The following APOB variants were observed in gnomAD, a reference collection of about 807,000 sequenced individuals.
APOB encodes the protein apolipoprotein B-100.
A neutral mutation model predicts 314.1 loss-of-function variants in APOB; 153 were observed. The ratio of observed to expected loss-of-function variants is 0.49; its 90% confidence interval spans 0.43 to 0.56. The LOEUF (loss-of-function observed/expected upper bound fraction) is 0.56. Among genes scored for constraint, APOB ranks in the 20% least tolerant of loss-of-function variants. APOB has a pLI of 0.00. For synonymous variants in APOB, 2,087 were observed against 2,036.4 expected (o/e 1.02, Z -0.67); for missense variants, 5,430 against 5,350.7 (o/e 1.01, Z -0.46).
At position 21,004,391 on chromosome 2, in the gene APOB, G is replaced by T. The variant is rs150713761; in HGVS notation, c.11965C>A (p.Arg3989Ser). The T allele has an allele frequency of 1.9e-6, 3 of 1,614,014 alleles. No individual in the cohort carries two copies. The highest frequency in any genetic ancestry group is 4.5e-5 in the East Asian group (2 of 44,884). ...ATGCCTTTCTTGTCTTTCTGGTAGC[G>T]CAGATGGAGATCGGTGAACGCTGGG... is the stretch of plus-strand genomic sequence containing the variant. ...KSPAFTDLHL[R>S]YQKDKKGIST... Residue 3989 changes from arginine to serine, a missense_variant, in exon 28 of 29, where the codon CGC becomes AGC. Arg to Ser is a moderately radical substitution (Grantham distance 110, BLOSUM62 -1). Around this residue, in one of 3 missense-constraint regions of APOB, gnomAD observed 3,281 missense variants for 3,171.0 expected, o/e 1.03. Coordinates refer to ENST00000233242, the MANE Select transcript of APOB (RefSeq NM_000384.3).
chr2:21,034,181 T>C (rs1213039744), intron 8 of APOB, among the ~76,000 whole-genome samples: 1 of 152,220 alleles, frequency 6.6e-6, no homozygotes, highest in Non-Finnish European at 1.5e-5. Flanking sequence ...AGAATAGTCC[T>C]GGCTTAGATT....
intron 16 of APOB, 70 bp from the exon 17 acceptor site, chr2:21,023,762 C>T: frequency 7.5e-7 from 1 of 1,335,214 alleles, no homozygotes; most frequent in Non-Finnish European, 1.0e-6. Context: ...ATTACAACCT[C>T]CCATACATTG....
At position 21,029,803 on chromosome 2, in the gene APOB, A is replaced by G. The variant is rs12720764; in HGVS notation, c.1471-18T>C. ...CCAATGACCTGCATTGAAGAAAAGA[A>G]ACAAGAACCCATCAGGGTGCAGGAG... On this transcript the variant is annotated intron_variant, in intron 11 of 28. Coordinates refer to ENST00000233242, the MANE Select transcript of APOB (RefSeq NM_000384.3). 1.3e-4 allele frequency: 211 copies of G among 1,614,004 alleles called. No individual in the cohort carries two copies. In the African/African-American group the frequency reaches 2.5e-3, roughly 19 times the overall value.
At position 21,011,744 on chromosome 2, in the gene APOB, T is replaced by G; in HGVS notation, c.5124A>C (p.Leu1708=). The G allele has an allele frequency of 6.2e-7, 1 of 1,614,200 alleles. No individual in the cohort carries two copies. Among genetic ancestry groups the G allele is most frequent in the South Asian group, 1.1e-5 (1 of 91,072 alleles). ...TGGCCTGATAAGCACTTCCCAGTGATAGCTCTGTGAGGGCGGCTTTCCCAT... is the reference window on the plus strand; with the variant it reads ...TGGCCTGATAAGCACTTCCCAGTGAGAGCTCTGTGAGGGCGGCTTTCCCAT... The part of the protein sequence containing the change: ...SLDGKAALTE[L]SLGSAYQAMI... The change falls in exon 26 of 29, where the codon CTA becomes CTC. Residue 1708 remains leucine (L), a synonymous_variant. Transcript: ENST00000233242.
intron 18 of APOB, 92 bp from the exon 19 acceptor site, chr2:21,019,997 C>G: frequency 1.8e-6 from 2 of 1,139,890 alleles, no homozygotes; most frequent in Non-Finnish European, 2.7e-6. Flanking sequence ...CCCTTATCCT[C>G]CTGTCTTCCC....
chr2:21,033,334 G>C lies in APOB; in HGVS notation c.1089C>G (p.Val363=), dbSNP rs766203819. The stretch of plus-strand genomic sequence containing the variant: ...CAATCAGCTGTGGCAAGAGAGATGT[G>C]ACTGCTTCATCACTGAGGCCTCTCA... ...TELRGLSDEA[V]TSLLPQLIEV... Residue 363 remains valine, a synonymous_variant, in exon 9 of 29, where the codon GTC becomes GTG. Coordinates refer to ENST00000233242, the MANE Select transcript of APOB (RefSeq NM_000384.3). The C allele has an allele frequency of 1.9e-6, 3 of 1,614,116 alleles. No individual in the cohort carries two copies. In the South Asian group the frequency reaches 3.3e-5, roughly 18 times the overall value.
rs778309102 is a variant in APOB at position 21,011,096 on chromosome 2, A to C, written c.5772T>G (p.Thr1924=). The C allele has an allele frequency of 6.2e-7, 1 of 1,614,230 alleles. No individual in the cohort carries two copies. Among genetic ancestry groups the C allele is most frequent in the Non-Finnish European group, 8.5e-7 (1 of 1,180,030 alleles). ...ACAGGAATTTGCTATACAGCTGCCC[A>C]GTATGTTCTCCCCAGAGAGCGAGTT... ...NGKLALWGEH[T]GQLYSKFLLK... Residue 1924 remains threonine (T), a synonymous_variant, in exon 26 of 29, where the codon ACT becomes ACG. Coordinates refer to ENST00000233242, the MANE Select transcript of APOB (RefSeq NM_000384.3).
intron 23 of APOB, 151 bp downstream of exon 23, chr2:21,014,922 T>G: frequency 2.4e-6 from 2 of 837,078 alleles, no homozygotes; most frequent in Non-Finnish European, 3.9e-6. Context: ...ACTACACACT[T>G]GTGAAAGTTT....
intron 4 of APOB, among the ~76,000 whole-genome samples, chr2:21,039,497 G>T (rs1189997014): frequency 6.6e-6 from 1 of 152,132 alleles, no homozygotes; most frequent in African/African-American, 2.4e-5. Flanking sequence ...TACATCAGGA[G>T]GAAAAGGTGA....
At position 21,006,706 on chromosome 2, in the gene APOB, T is replaced by C. The variant is rs781312822; in HGVS notation, c.10162A>G (p.Thr3388Ala). 4 of 1,614,124 alleles carry C rather than the reference T, an allele frequency of 2.5e-6. No homozygotes were observed. Among genetic ancestry groups the C allele is most frequent in the Admixed American group, 1.7e-5 (1 of 60,026 alleles). ...GCTAACTTCAATCCCCTTTTTCTTG[T>C]CAATCTTGTGGTGCCCTCTAATTTG... ...QYKLEGTTRLTRKRGLKLATA... is the reference protein window; with the variant it reads ...QYKLEGTTRLARKRGLKLATA... Residue 3388 changes from threonine to alanine, a missense_variant, in exon 26 of 29, where the codon ACA (threonine) becomes GCA (alanine). Physicochemically the swap from Thr to Ala is moderately conservative, Grantham distance 58 (BLOSUM62 0). This residue lies in a region of APOB where 3,281 missense variants were observed against 3,171.0 expected (regional missense o/e 1.03). Transcript: ENST00000233242.
chr2:21,003,313 T>A lies in APOB; in HGVS notation c.12109A>T (p.Thr4037Ser). The stretch of plus-strand genomic sequence containing the variant: ...ACCCTCAACTCAGTTTTGAATATGG[T>A]GAGTTTTTTATCTGGAGAGGACTAA... ...SPQSSPDKKL[T>S]IFKTELRVRE... The change falls in exon 29 of 29, where the codon ACC becomes TCC. Residue 4037 changes from threonine to serine, a missense_variant. Thr to Ser is a moderately conservative substitution (Grantham distance 58). Coordinates refer to ENST00000233242, the MANE Select transcript of APOB (RefSeq NM_000384.3). The A allele has an allele frequency of 6.2e-6, 10 of 1,613,408 alleles. No homozygotes were observed. The highest frequency in any genetic ancestry group is 8.5e-6 in the Non-Finnish European group (10 of 1,179,862).
chr2:21,002,074 C>A lies in APOB; in HGVS notation c.13348G>T (p.Glu4450Ter). Residue 4450 changes from glutamate (E) to a stop codon, truncating the protein, a stop_gained, in exon 29 of 29, where the codon GAA becomes TAA. Transcript: ENST00000233242. LOFTEE classifies it low-confidence loss of function (END_TRUNC). ...VEQFLHRNIQ[E>*]YLSILTDPDG... ...GGATCGGTAAGGATGCTAAGATATT[C>A]CTGAATATTTCTGTGCAGAAATTGC... is the stretch of plus-strand genomic sequence containing the variant. 6.2e-7 allele frequency: 1 copy of A among 1,613,936 alleles called. No individual in the cohort carries two copies. The highest frequency in any genetic ancestry group is 8.5e-7 in the Non-Finnish European group (1 of 1,179,972).
chr2:21,027,270 G>A (rs1572795398), intron 14 of APOB, among the ~76,000 whole-genome samples: 1 of 150,930 alleles, frequency 6.6e-6, no homozygotes, highest in South Asian at 2.1e-4. Flanking sequence ...ATGCTTCCTT[G>A]GCTTTGGGAC....
chr2:21,025,699 C>T (rs1220470570), intron 15 of APOB, among the ~76,000 whole-genome samples: 6 of 152,244 alleles, frequency 3.9e-5, no homozygotes, highest in South Asian at 4.2e-4. Flanking sequence ...AGATGGAGCT[C>T]GTGCTCAACA....
At chr2:21,032,304 G>A (rs769542338) in intron 10 of APOB, 50 bp downstream of exon 10, 4 of 1,510,200 alleles carry the variant, frequency 2.6e-6, no homozygotes, top group South Asian at 1.1e-5. Flanking sequence ...GCACAGAGGT[G>A]CAAGATGTTC....
In APOB at chr2:21,007,339, A is replaced by G. The variant is rs540387864; in HGVS notation, c.9529T>C (p.Tyr3177His). The G allele has an allele frequency of 6.2e-7, 1 of 1,613,980 alleles. No homozygotes were observed. The highest frequency in any genetic ancestry group is 1.3e-5 in the African/African-American group (1 of 75,022). Residue 3177 changes from tyrosine (Y) to histidine (H), a missense_variant, in exon 26 of 29, where the codon TAT becomes CAT. Coordinates refer to ENST00000233242, the MANE Select transcript of APOB (RefSeq NM_000384.3). ...GAATGCCTGTGTTTGTTTTTCTTATACTGAGCTTTTACACTTAAATCAAAT... is the reference window on the plus strand; with the variant it reads ...GAATGCCTGTGTTTGTTTTTCTTATGCTGAGCTTTTACACTTAAATCAAAT... ...QSFDLSVKAQYKKNKHRHSIT... is the reference protein window; with the variant it reads ...QSFDLSVKAQHKKNKHRHSIT...
intron 28 of APOB, 98 bp downstream of exon 28, chr2:21,004,171 G>A (rs774293185): frequency 2.2e-6 from 3 of 1,344,740 alleles, no homozygotes; most frequent in Admixed American, 1.8e-5. Flanking sequence ...CTTTCACCTA[G>A]TTTGGGGAAT....
intron 16 of APOB, 67 bp downstream of exon 16, chr2:21,024,866 G>A: frequency 6.5e-7 from 1 of 1,539,474 alleles, no homozygotes; most frequent in South Asian, 1.1e-5. Context: ...TCGTAAGGGA[G>A]TCTGGGCGAT....
chr2:21,037,748 C>G (rs1245301932), intron 5 of APOB, among the ~76,000 whole-genome samples: 1 of 152,140 alleles, frequency 6.6e-6, no homozygotes, highest in Non-Finnish European at 1.5e-5. Context: ...AAAATTAGAC[C>G]CAACCTGATA....
Sources: allele counts gnomAD v4.1 joint callset (sites outside exome capture counted in the v4.1 genomes callset), GRCh38; gene constraint gnomAD v4.1.1; regional missense constraint gnomAD v4.1.1; transcripts MANE v1.5; gene names NCBI Gene and HGNC (gene_info 2026-07-23, HGNC 2026-07-21).